Variants in ST6GALNAC3 observed in about 807,000 individuals in gnomAD.
ST6GALNAC3 encodes the protein ST6 N-acetylgalactosaminide alpha-2,6-sialyltransferase 3.
A neutral mutation model predicts 32.7 loss-of-function variants in ST6GALNAC3; 25 were observed. That is an observed-to-expected ratio of 0.76 (90% confidence interval 0.56 to 1.07). ST6GALNAC3 has a LOEUF of 1.07. Ranked by LOEUF, ST6GALNAC3 falls within the 50% of genes least tolerant of loss-of-function variation. The pLI is 0.00. For missense variants in ST6GALNAC3, 355 were observed against 382.4 expected (o/e 0.93, Z 0.60); for synonymous variants, 129 against 133.1 (o/e 0.97, Z 0.21).
At chr1:76,548,668 G>A (rs966391435) in intron 3 of ST6GALNAC3, among the ~76,000 whole-genome samples, 1 of 152,150 alleles carries the variant, frequency 6.6e-6, no homozygotes, top group Non-Finnish European at 1.5e-5. Flanking sequence ...GAAATATCAT[G>A]ATTAGCTTTC....
chr1:76,155,030 A>AT (rs973986951), intron 1 of ST6GALNAC3, among the ~76,000 whole-genome samples: 6 of 151,160 alleles, frequency 4.0e-5, no homozygotes, highest in East Asian at 1.9e-4. Flanking sequence ...TTTATTTTTT[A>AT]TTTTTTTTGC....
chr1:76,266,743 C>T (rs74554577), intron 1 of ST6GALNAC3, among the ~76,000 whole-genome samples: 2,075 of 152,202 alleles, frequency 0.014, 57 homozygotes, highest in African/African-American at 0.048. Flanking sequence ...TGCCAGCCAC[C>T]GACTGTGCTC....
intron 1 of ST6GALNAC3, among the ~76,000 whole-genome samples, chr1:76,116,364 T>C (rs572447561): frequency 6.6e-6 from 1 of 152,258 alleles, no homozygotes; most frequent in Admixed American, 6.5e-5. Context: ...CATTATTTTA[T>C]TTGCCTGAAG....
Position 76,602,650 on chromosome 1 carries a change from C to T in ST6GALNAC3, c.624-24802C>T, listed in dbSNP as rs528762523. 2.0e-5 allele frequency among the ~76,000 whole-genome samples: 3 copies of T among 151,960 alleles called. No homozygotes were observed. The East Asian group carries it at 5.8e-4, about 29-fold the overall frequency. On this transcript the variant is annotated intron_variant, in intron 3 of 4. Coordinates refer to ENST00000328299, the MANE Select transcript of ST6GALNAC3 (RefSeq NM_152996.4). Reference sequence around the variant, plus strand: ...TGAAAAACAGCCCCCAAAGCACAAACAGTAAGAGAAAAGATGGATGCATTT... The same window carrying T: ...TGAAAAACAGCCCCCAAAGCACAAATAGTAAGAGAAAAGATGGATGCATTT...
At chr1:76,122,871 A>T (rs1414066403) in intron 1 of ST6GALNAC3, among the ~76,000 whole-genome samples, 2 of 152,196 alleles carry the variant, frequency 1.3e-5, no homozygotes, top group Non-Finnish European at 2.9e-5. Flanking sequence ...AGCTACAGAC[A>T]CAAAGCTCAA....
chr1:76,167,191 G>A (rs1270023097), intron 1 of ST6GALNAC3, among the ~76,000 whole-genome samples: 8 of 152,144 alleles, frequency 5.3e-5, no homozygotes, highest in African/African-American at 1.7e-4. Context: ...CTAGTTTATC[G>A]AGAGTTTTTA....
chr1:76,189,556 T>C (rs1171725418), intron 1 of ST6GALNAC3, among the ~76,000 whole-genome samples: 1 of 150,030 alleles, frequency 6.7e-6, no homozygotes, highest in African/African-American at 2.4e-5. Context: ...CTTTGATGAA[T>C]AGAGAGTAGA....
intron 3 of ST6GALNAC3, among the ~76,000 whole-genome samples, chr1:76,416,224 A>T (rs2101337655): frequency 6.6e-6 from 1 of 152,316 alleles, no homozygotes; most frequent in South Asian, 2.1e-4. Flanking sequence ...TCTCCAAAAA[A>T]GAACATTTTT....
chr1:76,589,428 T>C (rs1292437331), intron 3 of ST6GALNAC3, among the ~76,000 whole-genome samples: 1 of 152,064 alleles, frequency 6.6e-6, no homozygotes, highest in Non-Finnish European at 1.5e-5. Context: ...TAAAGGAATC[T>C]ACCTGGCCCA....
chr1:76,159,222 T>C (rs766662783), intron 1 of ST6GALNAC3, among the ~76,000 whole-genome samples: 1 of 152,200 alleles, frequency 6.6e-6, no homozygotes, highest in Non-Finnish European at 1.5e-5. Flanking sequence ...AGAGTCTTGC[T>C]CTGTCAGCCA....
intron 2 of ST6GALNAC3, among the ~76,000 whole-genome samples, chr1:76,357,113 T>C (rs1424636859): frequency 1.5e-5 from 2 of 132,390 alleles, no homozygotes; most frequent in Non-Finnish European, 3.2e-5. Flanking sequence ...GCTAGTTTTC[T>C]TTTTTCTTTT....
At position 76,629,832 on chromosome 1, in the gene ST6GALNAC3, G is replaced by A. The variant is rs1649198120; in HGVS notation, c.*1026G>A. ...CAAATTTCTATTTTATAGGCCCAAG[G>A]TGTGTTTCTCCAAACATTACATTCT... is the stretch of plus-strand genomic sequence containing the variant. On this transcript the variant is annotated 3_prime_UTR_variant, in exon 5 of 5. Transcript: ENST00000328299. 9 of 979,210 alleles carry A rather than the reference G, an allele frequency of 9.2e-6. No individual in the cohort carries two copies. The highest frequency in any genetic ancestry group is 1.1e-5 in the Non-Finnish European group (9 of 824,430). 60.7% of individuals were successfully genotyped at this position (979,210 alleles called of 1,614,324 possible).
At chr1:76,206,515 G>A (rs1654832855) in intron 1 of ST6GALNAC3, among the ~76,000 whole-genome samples, 1 of 152,140 alleles carries the variant, frequency 6.6e-6, no homozygotes, top group African/African-American at 2.4e-5. Context: ...GGATCATGAG[G>A]TCAGGAGATC....
At chr1:76,476,985 A>G (rs539818643) in intron 3 of ST6GALNAC3, among the ~76,000 whole-genome samples, 1 of 152,060 alleles carries the variant, frequency 6.6e-6, no homozygotes, top group South Asian at 2.1e-4. Flanking sequence ...GGAGTGAAAT[A>G]TCTTCCTGGA....
At chr1:76,227,556 A>T (rs1188537397) in intron 1 of ST6GALNAC3, among the ~76,000 whole-genome samples, 1 of 152,340 alleles carries the variant, frequency 6.6e-6, no homozygotes, top group African/African-American at 2.4e-5. Flanking sequence ...TGTAGAGGAT[A>T]TTTAGAATTT....
At chr1:76,458,478 A>C (rs1422304850) in intron 3 of ST6GALNAC3, among the ~76,000 whole-genome samples, 1 of 124,726 alleles carries the variant, frequency 8.0e-6, no homozygotes, top group Non-Finnish European at 1.7e-5. Flanking sequence ...AAGACTTGGA[A>C]CCAACCCAAA....
rs1285461895 is a variant in ST6GALNAC3 at position 76,630,724 on chromosome 1, T to C, written c.*1918T>C. 1.0e-6 allele frequency: 1 copy of C among 985,558 alleles called. No homozygotes were observed. Among genetic ancestry groups the C allele is most frequent in the African/African-American group, 1.7e-5 (1 of 57,204 alleles). 61.1% of individuals were successfully genotyped at this position (985,558 alleles called of 1,614,324 possible). On this transcript the variant is annotated 3_prime_UTR_variant, in exon 5 of 5. Transcript: ENST00000328299. ...TTTGACACCTCAATATTCACACCCA[T>C]AAACATTACTAAGCCCCAGTTCTAT...
At chr1:76,290,668 T>A (rs1246681257) in intron 1 of ST6GALNAC3, among the ~76,000 whole-genome samples, 1 of 152,132 alleles carries the variant, frequency 6.6e-6, no homozygotes, top group Non-Finnish European at 1.5e-5. Context: ...TAAATCCAGG[T>A]TTGATGGATT....
chr1:76,074,930 T>C (rs763649189), intron 1 of ST6GALNAC3, 46 bp downstream of exon 1: 20 of 1,573,988 alleles, frequency 1.3e-5, no homozygotes, highest in Non-Finnish European at 1.6e-5. Flanking sequence ...GGCCAGCCCC[T>C]TGCTGCTCAG....
Sources: allele counts gnomAD v4.1 joint callset (sites outside exome capture counted in the v4.1 genomes callset), GRCh38; gene constraint gnomAD v4.1.1; transcripts MANE v1.5; gene names NCBI Gene and HGNC (gene_info 2026-07-23, HGNC 2026-07-21).